The following NXPE2 variants were observed in gnomAD, a reference collection of about 807,000 sequenced individuals.
NXPE2 encodes NXPE family member 2.
A neutral mutation model predicts 34.4 loss-of-function variants in NXPE2; 34 were observed. The ratio of observed to expected loss-of-function variants is 0.99; its 90% CI spans 0.75 to 1.31. The LOEUF (loss-of-function observed/expected upper bound fraction) is 1.31. Among genes scored for constraint, NXPE2 ranks in the 40% most tolerant of loss-of-function variants. NXPE2 has a pLI of 0.00. For missense variants in NXPE2, 649 were observed against 672.5 expected, an observed-to-expected ratio of 0.97 and a Z score of 0.39; for synonymous variants, 235 against 231.3, an observed-to-expected ratio of 1.02 and a Z score of -0.15.
At chr11:114,802,561 G>T in the NXPE2 span, among the ~76,000 whole-genome samples, 3 of 152,196 alleles carry the variant, frequency 2.0e-5, no homozygotes, top group Non-Finnish European at 2.9e-5. Context: ...TTTCTTATTA[G>T]AGGAAAGTAG....
the NXPE2 span, among the ~76,000 whole-genome samples, chr11:114,495,057 A>G: frequency 2.6e-5 from 4 of 152,198 alleles, no homozygotes; most frequent in African/African-American, 9.6e-5. Flanking sequence ...ACTTTCACCC[A>G]AGCGAACAAA....
At chr11:114,571,451 A>G in the NXPE2 span, 4 of 1,608,988 alleles carry the variant, frequency 2.5e-6, no homozygotes, top group Non-Finnish European at 3.4e-6. Flanking sequence ...TTCCAGATTC[A>G]TGCAGATCCA....
At chr11:114,651,236 C>T in the NXPE2 span, among the ~76,000 whole-genome samples, 1 of 152,088 alleles carries the variant, frequency 6.6e-6, no homozygotes, top group South Asian at 2.1e-4. Flanking sequence ...GGGTTTCTTC[C>T]TTCAGATGTT....
Position 114,678,599 on chromosome 11 carries a change from T to A in NXPE2, c.24T>A (p.His8Gln). The A allele has an allele frequency of 6.5e-7, 1 of 1,548,344 alleles. No individual in the cohort carries two copies. The highest frequency in any genetic ancestry group is 8.7e-7 in the Non-Finnish European group (1 of 1,144,048). MVEKILI[H>Q]RILTLFPNAI... ...AGATGGTGGAGAAAATACTCATCCA[T>A]AGGTGTGGTACTTTCCAACTCTTAC... Residue 8 changes from histidine to glutamine, a missense_variant and splice_region_variant, in exon 1 of 6, where the codon CAT becomes CAA. By Grantham distance (24) the His-to-Gln change is conservative. Coordinates refer to ENST00000389586, the MANE Select transcript of NXPE2 (RefSeq NM_182495.6).
chr11:114,614,808 C>T, the NXPE2 span, among the ~76,000 whole-genome samples: 29,377 of 151,964 alleles, frequency 0.19, 3,394 homozygotes, highest in African/African-American at 0.33. Context: ...TAAGTGTTGC[C>T]TCGTGGGTAA....
the NXPE2 span, among the ~76,000 whole-genome samples, chr11:114,784,080 A>C: frequency 6.6e-6 from 1 of 152,244 alleles, no homozygotes; most frequent in African/African-American, 2.4e-5. Context: ...ACAGCTAGTC[A>C]GAGGCAGGGC....
chr11:114,723,581 C>G, the NXPE2 span, among the ~76,000 whole-genome samples: 4 of 152,178 alleles, frequency 2.6e-5, no homozygotes, highest in Non-Finnish European at 5.9e-5. Context: ...CATGCTCTAG[C>G]TGTATCCCCA....
the NXPE2 span, among the ~76,000 whole-genome samples, chr11:114,780,977 C>A: frequency 7.2e-5 from 11 of 152,098 alleles, no homozygotes; most frequent in African/African-American, 2.7e-4. Context: ...GTGAGGCTTG[C>A]CTATCAGGCT....
At chr11:114,550,578 T>G in the NXPE2 span, among the ~76,000 whole-genome samples, 2,087 of 152,218 alleles carry the variant, frequency 0.014, 50 homozygotes, top group African/African-American at 0.048. Context: ...AAATTCCAAG[T>G]GGATCAGATA....
the NXPE2 span, among the ~76,000 whole-genome samples, chr11:114,777,046 G>C: frequency 6.6e-6 from 1 of 152,062 alleles, no homozygotes; most frequent in Non-Finnish European, 1.5e-5. Flanking sequence ...GCACCTGTTG[G>C]GCACTGCACA....
chr11:114,515,434 A>G, the NXPE2 span, among the ~76,000 whole-genome samples: 2 of 152,210 alleles, frequency 1.3e-5, no homozygotes, highest in African/African-American at 4.8e-5. Flanking sequence ...GAATTAATAT[A>G]TGCTTTCCTT....
chr11:114,798,907 C>T, the NXPE2 span, among the ~76,000 whole-genome samples: 11 of 152,170 alleles, frequency 7.2e-5, no homozygotes, highest in African/African-American at 2.4e-4. Context: ...GCCCCTCCCT[C>T]AAAGGTGGAG....
At chr11:114,811,829 A>G in the NXPE2 span, among the ~76,000 whole-genome samples, 1 of 152,166 alleles carries the variant, frequency 6.6e-6, no homozygotes, top group Non-Finnish European at 1.5e-5. Flanking sequence ...TAGCTCTGTC[A>G]CTTATTACCT....
At chr11:114,704,818 T>C (rs1338062486) in intron 4 of NXPE2, among the ~76,000 whole-genome samples, 1 of 152,214 alleles carries the variant, frequency 6.6e-6, no homozygotes, top group East Asian at 1.9e-4. Flanking sequence ...GCAACTATCA[T>C]TCACACCCAA....
At chr11:114,653,440 C>T in the NXPE2 span, among the ~76,000 whole-genome samples, 4 of 152,152 alleles carry the variant, frequency 2.6e-5, no homozygotes, top group South Asian at 8.3e-4. Flanking sequence ...TTTCTGCCTC[C>T]AGAAGGCAGC....
At chr11:114,725,976 A>AAAAAAT in the NXPE2 span, among the ~76,000 whole-genome samples, 24 of 101,758 alleles carry the variant, frequency 2.4e-4, no homozygotes, top group Non-Finnish European at 3.5e-4. Context: ...ATAAAAAAAA[A>AAAAAAT]ATATATATAT....
chr11:114,780,522 T>C, the NXPE2 span, among the ~76,000 whole-genome samples: 2 of 152,198 alleles, frequency 1.3e-5, no homozygotes, highest in Non-Finnish European at 2.9e-5. Context: ...TTCTGCTCCA[T>C]ATTGGTTCAG....
the NXPE2 span, among the ~76,000 whole-genome samples, chr11:114,810,887 A>G: frequency 0.088 from 13,419 of 152,228 alleles, 625 homozygotes; most frequent in East Asian, 0.17. Context: ...ACACATGCAC[A>G]CATATGTTTA....
chr11:114,656,376 TG>T, the NXPE2 span, among the ~76,000 whole-genome samples: 2 of 152,138 alleles, frequency 1.3e-5, no homozygotes, highest in African/African-American at 4.8e-5. Context: ...ATAGATTCAG[TG>T]CTATTCCCAT....
Sources: allele counts gnomAD v4.1 joint callset (sites outside exome capture counted in the v4.1 genomes callset), GRCh38; gene constraint gnomAD v4.1.1; transcripts MANE v1.5; gene names NCBI Gene and HGNC (gene_info 2026-07-23, HGNC 2026-07-21).